The following DCBLD2 variants were observed in gnomAD, a reference collection of about 807,000 sequenced individuals.
The protein encoded by DCBLD2 is discoidin, CUB and LCCL domain containing 2.
Under a neutral mutation model 86.8 loss-of-function variants are expected in DCBLD2, and 54 were observed. The observed-to-expected ratio is 0.62, with a 90% CI of 0.50 to 0.78. The LOEUF (loss-of-function observed/expected upper bound fraction) is 0.78. DCBLD2 is among the 30% of genes least tolerant of loss of function. DCBLD2 has a pLI of 0.00. For synonymous variants in DCBLD2, 354 were observed against 341.3 expected, an observed-to-expected ratio of 1.04 and a Z score of -0.41; for missense variants, 908 against 954.2, an observed-to-expected ratio of 0.95 and a Z score of 0.64.
At chr3:98,841,414 A>T (rs1419337827) in intron 3 of DCBLD2, among the ~76,000 whole-genome samples, 1 of 152,248 alleles carries the variant, frequency 6.6e-6, no homozygotes, top group Non-Finnish European at 1.5e-5. Context: ...TGCAAAGGCT[A>T]GAGAACTTTG....
At chr3:98,889,451 T>A (rs1161693694) in intron 1 of DCBLD2, among the ~76,000 whole-genome samples, 1 of 151,950 alleles carries the variant, frequency 6.6e-6, no homozygotes, top group African/African-American at 2.4e-5. Context: ...AAAAAAAGTG[T>A]GCAGCACATC....
chr3:98,879,483 T>G (rs1369459224), intron 2 of DCBLD2, among the ~76,000 whole-genome samples: 1 of 151,874 alleles, frequency 6.6e-6, no homozygotes, highest in Non-Finnish European at 1.5e-5. Context: ...GTCTCCCGGG[T>G]TCACGCCATT....
chr3:98,888,760 T>C (rs933177656), intron 1 of DCBLD2, among the ~76,000 whole-genome samples: 5 of 152,028 alleles, frequency 3.3e-5, no homozygotes, highest in African/African-American at 7.2e-5. Context: ...TTAAAGCTTC[T>C]AGTGTCTTGT....
Position 98,799,817 on chromosome 3 carries a change from C to T in DCBLD2, c.1883G>A (p.Gly628Glu). ...SAEYAQPLVG[G>E]IVGTLHQRST... ...TCTTTGATGAAGTGTACCAACAATT[C>T]CTCCTACCAGTGGCTGAGCATACTC... Residue 628 changes from glycine to glutamate, a missense_variant, in exon 16 of 16, where the codon GGA becomes GAA. Physicochemically the swap from Gly to Glu is moderately conservative, Grantham distance 98 (BLOSUM62 -2). This residue lies in a region of DCBLD2 where 606 missense variants were observed against 678.5 expected (regional missense o/e 0.89). Transcript: ENST00000326840. 6.2e-7 allele frequency: 1 copy of T among 1,612,338 alleles called. No individual in the cohort carries two copies. Among genetic ancestry groups the T allele is most frequent in the Non-Finnish European group, 8.5e-7 (1 of 1,178,890 alleles).
At chr3:98,870,789 G>GAAAGAAAGAAAGAAAGAA (rs1559794597) in intron 2 of DCBLD2, among the ~76,000 whole-genome samples, 59 of 150,994 alleles carry the variant, frequency 3.9e-4, no homozygotes, top group Non-Finnish European at 6.8e-4. Context: ...AAGAAAGAAA[G>GAAAGAAAGAAAGAAAGAA]AAAGAAAGAA....
intron 3 of DCBLD2, among the ~76,000 whole-genome samples, chr3:98,841,905 A>C (rs1942628570): frequency 6.6e-6 from 1 of 152,148 alleles, no homozygotes; most frequent in Non-Finnish European, 1.5e-5. Flanking sequence ...TACCAAAAAA[A>C]ATACAAAAAA....
At chr3:98,886,381 T>C (rs946659271) in intron 1 of DCBLD2, among the ~76,000 whole-genome samples, 1 of 151,994 alleles carries the variant, frequency 6.6e-6, no homozygotes, top group African/African-American at 2.4e-5. Context: ...GTGACCAGGC[T>C]ACACCACCTA....
At position 98,822,364 on chromosome 3, in the gene DCBLD2, TAAGG is replaced by T; in HGVS notation, c.697-7_697-4del. On this transcript the variant is annotated splice_polypyrimidine_tract_variant and splice_region_variant and intron_variant, in intron 5 of 15. Coordinates refer to ENST00000326840, the MANE Select transcript of DCBLD2 (RefSeq NM_080927.4). ...CCAGCCATGCACAATGGCGAGGACT[TAAGG>T]AAGGGAAAAGAAAAGATTCATTTTT... The T allele has an allele frequency of 1.4e-5, 22 of 1,607,744 alleles. No homozygotes were observed. The highest frequency in any genetic ancestry group is 1.8e-5 in the Non-Finnish European group (21 of 1,178,200).
chr3:98,804,269 T>C (rs538226121), intron 13 of DCBLD2, among the ~76,000 whole-genome samples: 19 of 152,306 alleles, frequency 1.2e-4, no homozygotes, highest in Admixed American at 1.2e-3. Context: ...CCTGGTTTAG[T>C]CTTGGGAGGG....
intron 14 of DCBLD2, 84 bp downstream of exon 14, chr3:98,801,516 G>T: frequency 3.6e-6 from 4 of 1,099,376 alleles, no homozygotes; most frequent in Non-Finnish European, 3.9e-6. Flanking sequence ...CTGGGCCAGA[G>T]AATGACTCTT....
At position 98,881,504 on chromosome 3, in the gene DCBLD2, T is replaced by A. The variant is rs372950397; in HGVS notation, c.433+36A>T. 1.2e-5 allele frequency: 18 copies of A among 1,527,988 alleles called. No individual in the cohort carries two copies. In the African/African-American group the frequency reaches 1.8e-4, roughly 15 times the overall value. 94.7% of individuals were successfully genotyped at this position (1,527,988 alleles called of 1,614,324 possible). The stretch of plus-strand genomic sequence containing the variant: ...AAAAAATACATCATTGAGACAATGA[T>A]GTATTTACATGTACATTTACAAAAA... On this transcript the variant is annotated intron_variant, in intron 2 of 15. Coordinates refer to ENST00000326840, the MANE Select transcript of DCBLD2 (RefSeq NM_080927.4).
At chr3:98,822,495 G>A (rs1415477030) in intron 5 of DCBLD2, 134 bp from the exon 6 acceptor site, 54 of 1,293,838 alleles carry the variant, frequency 4.2e-5, no homozygotes, top group Non-Finnish European at 5.5e-5. Context: ...ATAGATTATT[G>A]GTACTGTAAC....
At chr3:98,838,075 A>G (rs1426895161) in intron 3 of DCBLD2, among the ~76,000 whole-genome samples, 6 of 99,328 alleles carry the variant, frequency 6.0e-5, no homozygotes, top group East Asian at 3.7e-4. Flanking sequence ...CCCGGACGGC[A>G]CGGCTGGCCA....
At chr3:98,859,365 T>C (rs1271832810) in intron 2 of DCBLD2, among the ~76,000 whole-genome samples, 1 of 152,154 alleles carries the variant, frequency 6.6e-6, no homozygotes, top group Non-Finnish European at 1.5e-5. Flanking sequence ...TCTGACAGCT[T>C]TGAAGAGAGT....
At chr3:98,818,732 A>G (rs1032340794) in intron 8 of DCBLD2, among the ~76,000 whole-genome samples, 7 of 152,232 alleles carry the variant, frequency 4.6e-5, no homozygotes, top group Admixed American at 4.6e-4. Flanking sequence ...CCCAGCCTAC[A>G]TCTTTCTCCC....
chr3:98,855,539 A>C (rs1942918135), intron 2 of DCBLD2, among the ~76,000 whole-genome samples: 1 of 152,188 alleles, frequency 6.6e-6, no homozygotes, highest in Admixed American at 6.5e-5. Flanking sequence ...ATAACATTAA[A>C]ATTTTAATAT....
chr3:98,867,025 G>T (rs1291767064), intron 2 of DCBLD2, among the ~76,000 whole-genome samples: 1 of 152,076 alleles, frequency 6.6e-6, no homozygotes, highest in Non-Finnish European at 1.5e-5. Flanking sequence ...GTAGATGTGT[G>T]GTATTATTTC....
chr3:98,802,497 T>G (rs1009376630), intron 13 of DCBLD2, among the ~76,000 whole-genome samples: 1 of 152,222 alleles, frequency 6.6e-6, no homozygotes, highest in Non-Finnish European at 1.5e-5. Context: ...TCTCCCATTC[T>G]GTAGGTTGCC....
Position 98,797,164 on chromosome 3 carries a change from G to A in DCBLD2, c.*2208C>T, listed in dbSNP as rs1199192496. On this transcript the variant is annotated 3_prime_UTR_variant, in exon 16 of 16. Transcript: ENST00000326840. ...TCTGGAAAGTAAAGTTTATATAAAA[G>A]TAGTAAAAACTAGATATTTTATAAA... 2 of 150,922 alleles carry A rather than the reference G, an allele frequency of 1.3e-5. No individual in the cohort carries two copies. Among genetic ancestry groups the A allele is most frequent in the Non-Finnish European group, 3.0e-5 (2 of 67,714 alleles). 9.3% of individuals were successfully genotyped at this position (150,922 alleles called of 1,614,324 possible).
Sources: gnomAD v4.1 joint callset for allele counts (sites outside exome capture counted in the v4.1 genomes callset) on GRCh38, gnomAD v4.1.1 for gene constraint, gnomAD v4.1.1 regional missense constraint, MANE v1.5 for transcripts, NCBI Gene and HGNC (gene_info 2026-07-23, HGNC 2026-07-21) for gene names.